Variants in WFDC11 observed in about 807,000 individuals in gnomAD.
The protein encoded by WFDC11 is WAP four-disulfide core domain 11.
Under a neutral mutation model 9.9 loss-of-function variants are expected in WFDC11, and 9 were observed. That is an observed-to-expected ratio of 0.91 (90% confidence interval 0.55 to 1.58). The LOEUF (loss-of-function observed/expected upper bound fraction) is 1.58. WFDC11 is among the 40% of genes most tolerant of loss of function. The pLI is 0.00. For synonymous variants in WFDC11, 32 were observed against 33.3 expected (o/e 0.96, Z 0.13); for missense variants, 106 against 101.7 (o/e 1.04, Z -0.18).
intron 2 of WFDC11, among the ~76,000 whole-genome samples, chr20:45,655,681 A>C (rs569135239): frequency 6.6e-6 from 1 of 152,258 alleles, no homozygotes; most frequent in Middle Eastern, 3.4e-3. Flanking sequence ...TATCTAGAAA[A>C]CCCTATTGTC....
chr20:45,662,348 A>G (rs1983089441), intron 2 of WFDC11, among the ~76,000 whole-genome samples: 1 of 152,206 alleles, frequency 6.6e-6, no homozygotes, highest in Non-Finnish European at 1.5e-5. Context: ...TAGATATGCA[A>G]TCATGTCATC....
chr20:45,652,913 C>G (rs1035587168), intron 2 of WFDC11, among the ~76,000 whole-genome samples: 1 of 152,106 alleles, frequency 6.6e-6, no homozygotes, highest in Non-Finnish European at 1.5e-5. Context: ...ACAAAGCCTC[C>G]AAGAAATATG....
chr20:45,662,834 G>C (rs916674554), intron 2 of WFDC11, among the ~76,000 whole-genome samples: 2 of 152,168 alleles, frequency 1.3e-5, no homozygotes, highest in African/African-American at 2.4e-5. Flanking sequence ...GTGTTTTATT[G>C]AGGATTTTTG....
At chr20:45,653,914 C>G (rs563639018) in intron 2 of WFDC11, among the ~76,000 whole-genome samples, 37 of 152,294 alleles carry the variant, frequency 2.4e-4, no homozygotes, top group South Asian at 1.9e-3. Context: ...AAAACAGGAG[C>G]ACCCAGATTC....
At chr20:45,656,857 G>A (rs192161768) in intron 2 of WFDC11, among the ~76,000 whole-genome samples, 239 of 152,356 alleles carry the variant, frequency 1.6e-3, no homozygotes, top group East Asian at 8.1e-3. Context: ...GGCCATCAGA[G>A]AAATGCAAGT....
At chr20:45,649,138 C>T in intron 4 of WFDC11, 119 bp downstream of exon 4, 1 of 1,228,994 alleles carries the variant, frequency 8.1e-7, no homozygotes, top group Non-Finnish European at 1.1e-6. Flanking sequence ...ACATTGTCTT[C>T]TGTTATTTTT....
intron 4 of WFDC11, 110 bp from the exon 5 acceptor site, chr20:45,648,849 C>G: frequency 8.5e-7 from 1 of 1,176,582 alleles, no homozygotes; most frequent in Non-Finnish European, 1.2e-6. Context: ...GACAAGAATA[C>G]TTTAACGTAA....
Position 45,648,720 on chromosome 20 carries a change from T to A in WFDC11, c.263A>T (p.Ter88LeuextTer17). 1 of 1,614,222 alleles carries A rather than the reference T, an allele frequency of 6.2e-7. No individual in the cohort carries two copies. The highest frequency in any genetic ancestry group is 8.5e-7 in the Non-Finnish European group (1 of 1,180,012). Reference sequence around the variant, plus strand: ...GCAGCCTGGTGGGAAGCTACGGTTTTAGTAATCTCCACTGGTTTCCTGTAA... The same window carrying A: ...GCAGCCTGGTGGGAAGCTACGGTTTAAGTAATCTCCACTGGTTTCCTGTAA... ...WINVETSGDY[*>L] The change falls in exon 5 of 5, where the codon TAA becomes TTA. Residue 88 changes from the stop codon to leucine (L), a stop_lost. Coordinates refer to ENST00000324384, the MANE Select transcript of WFDC11 (RefSeq NM_147197.2).
Position 45,667,623 on chromosome 20 carries a change from G to A in WFDC11, c.-133-454C>T, listed in dbSNP as rs998068315. ...GAGAGATCTCTTCCAAGAGGGCTTC[G>A]AAAATATCACATAACATGTAGATTT... On this transcript the variant is annotated intron_variant, in intron 1 of 4. Coordinates refer to ENST00000324384, the MANE Select transcript of WFDC11 (RefSeq NM_147197.2). 7.9e-5 allele frequency among the ~76,000 whole-genome samples: 12 copies of A among 152,296 alleles called. No individual in the cohort carries two copies. The East Asian group carries it at 9.7e-4, about 12-fold the overall frequency.
intron 2 of WFDC11, among the ~76,000 whole-genome samples, chr20:45,656,605 G>C (rs1167494789): frequency 6.6e-6 from 1 of 151,744 alleles, no homozygotes; most frequent in Non-Finnish European, 1.5e-5. Context: ...TTAATCTAAA[G>C]AGCTTCTGCA....
intron 2 of WFDC11, among the ~76,000 whole-genome samples, chr20:45,664,247 G>C (rs770692083): frequency 2.6e-5 from 4 of 151,350 alleles, no homozygotes; most frequent in Non-Finnish European, 5.9e-5. Flanking sequence ...TGTGACCCCT[G>C]CTTTTTTTTT....
chr20:45,656,254 C>G (rs923035286), intron 2 of WFDC11, among the ~76,000 whole-genome samples: 7 of 151,844 alleles, frequency 4.6e-5, no homozygotes, highest in Non-Finnish European at 1.0e-4. Flanking sequence ...ACGAATGGAA[C>G]AGAACAGAGG....
chr20:45,659,876 G>A (rs139883605), intron 2 of WFDC11, among the ~76,000 whole-genome samples: 5 of 152,198 alleles, frequency 3.3e-5, no homozygotes, highest in Middle Eastern at 3.4e-3. Flanking sequence ...AATCCATCTC[G>A]AGTTGATTTT....
chr20:45,657,724 T>C (rs1157104477), intron 2 of WFDC11, among the ~76,000 whole-genome samples: 1 of 152,214 alleles, frequency 6.6e-6, no homozygotes, highest in African/African-American at 2.4e-5. Context: ...AATTTTTCTC[T>C]TTAATGTTTT....
intron 2 of WFDC11, among the ~76,000 whole-genome samples, chr20:45,662,663 A>G (rs901664665): frequency 6.6e-6 from 1 of 152,214 alleles, no homozygotes; most frequent in Non-Finnish European, 1.5e-5. Flanking sequence ...CCTTTTCTGC[A>G]TCTATTGAGA....
intron 2 of WFDC11, among the ~76,000 whole-genome samples, chr20:45,656,777 T>A (rs1027619598): frequency 2.6e-5 from 4 of 152,164 alleles, no homozygotes; most frequent in African/African-American, 9.7e-5. Context: ...GCAAAGGATA[T>A]GAACAGACAC....
intron 2 of WFDC11, among the ~76,000 whole-genome samples, chr20:45,666,145 C>A (rs142835527): frequency 6.6e-6 from 1 of 152,236 alleles, no homozygotes; most frequent in Admixed American, 6.5e-5. Flanking sequence ...ACCCCTCCCC[C>A]CGCCAGGCTG....
chr20:45,650,696 A>C (rs1284752693), intron 2 of WFDC11, 45 bp from the exon 3 acceptor site: 1 of 1,040,144 alleles, frequency 9.6e-7, no homozygotes, highest in Non-Finnish European at 1.5e-6. Flanking sequence ...GTGTGAAGCA[A>C]GAGAAAGTGC....
intron 2 of WFDC11, among the ~76,000 whole-genome samples, chr20:45,664,439 G>T (rs1469064918): frequency 6.6e-6 from 1 of 151,850 alleles, no homozygotes; most frequent in African/African-American, 2.4e-5. Flanking sequence ...TTAATATTGT[G>T]TGTGAATTTG....
Sources: allele counts gnomAD v4.1 joint callset (sites outside exome capture counted in the v4.1 genomes callset), GRCh38; gene constraint gnomAD v4.1.1; transcripts MANE v1.5; gene names NCBI Gene and HGNC (gene_info 2026-07-23, HGNC 2026-07-21).